SUMF1: variants seen among roughly 807,000 people sequenced by gnomAD.
SUMF1 encodes formylglycine-generating enzyme.
SUMF1 carries 48 observed loss-of-function variants against 47.6 expected under a neutral mutation model. The observed-to-expected ratio is 1.01, with a 90% confidence interval of 0.80 to 1.28. SUMF1 has a LOEUF of 1.28. Among genes scored for constraint, SUMF1 ranks in the 50% most tolerant of loss-of-function variants. The pLI is 0.00. For synonymous variants in SUMF1, 230 were observed against 192.1 expected, an observed-to-expected ratio of 1.20 and a Z score of -1.63; for missense variants, 571 against 485.4, an observed-to-expected ratio of 1.18 and a Z score of -1.66.
chr3:4,343,536 C>G (rs750064007), intron 8 of SUMF1, among the ~76,000 whole-genome samples: 13 of 152,196 alleles, frequency 8.5e-5, no homozygotes, highest in Non-Finnish European at 1.6e-4. Context: ...AGAGAATGCT[C>G]TAGAACTCAG....
intron 4 of SUMF1, 69 bp from the exon 5 acceptor site, chr3:4,418,201 A>G (rs2125036194): frequency 6.2e-7 from 1 of 1,606,552 alleles, no homozygotes; most frequent in Middle Eastern, 1.9e-4. Context: ...TGGCTTCAGC[A>G]AAGCGCCCAT....
chr3:4,281,326 G>A (rs116060735), intron 8 of SUMF1, among the ~76,000 whole-genome samples: 210 of 152,226 alleles, frequency 1.4e-3, no homozygotes, highest in African/African-American at 4.7e-3. Context: ...AAGGGATGGT[G>A]GAGAGGGTTG....
At chr3:4,123,202 G>C (rs1190037659) in intron 8 of SUMF1, among the ~76,000 whole-genome samples, 1 of 152,058 alleles carries the variant, frequency 6.6e-6, no homozygotes. Context: ...GGTCAAGGAA[G>C]CATCTTTGAA....
At chr3:4,319,606 G>A (rs1698778620) in intron 8 of SUMF1, among the ~76,000 whole-genome samples, 1 of 152,208 alleles carries the variant, frequency 6.6e-6, no homozygotes, top group African/African-American at 2.4e-5. Flanking sequence ...CAATTTCCAT[G>A]TGTGTTCCAA....
chr3:4,060,553 A>G (rs901358551), intron 9 of SUMF1, among the ~76,000 whole-genome samples: 1 of 152,226 alleles, frequency 6.6e-6, no homozygotes, highest in African/African-American at 2.4e-5. Context: ...AGTCTTGGGT[A>G]GGACCCCATA....
chr3:4,197,781 C>T (rs573774904), intron 8 of SUMF1, among the ~76,000 whole-genome samples: 3 of 152,202 alleles, frequency 2.0e-5, no homozygotes, highest in Non-Finnish European at 4.4e-5. Flanking sequence ...TTACACTCTT[C>T]AGAAAAACCA....
intron 1 of SUMF1, among the ~76,000 whole-genome samples, chr3:4,460,599 A>AGTGTGT (rs144375913): frequency 0.024 from 3,399 of 143,576 alleles, 86 homozygotes; most frequent in Non-Finnish European, 0.033. Flanking sequence ...TCACACACAC[A>AGTGTGT]GTGTGTGTGT....
Position 4,255,972 on chromosome 3 carries a change from C to T in SUMF1, c.1014+120358G>A, listed in dbSNP as rs1387690243. Among the ~76,000 whole-genome samples the T allele has an allele frequency of 1.7e-4, 24 of 145,132 alleles. 1 individual carries two copies. Among genetic ancestry groups the T allele is most frequent in the East Asian group, 2.0e-4 (1 of 5,076 alleles). On this transcript the variant is annotated intron_variant and NMD_transcript_variant, in intron 8 of 12. Coordinates refer to the SUMF1 transcript ENST00000448413. ...CAGGATTAAGAATGTCACTCAAAGC[C>T]GCTCAACTACATGCAAACTGAACAA...
At chr3:4,249,944 G>A (rs1263024870) in intron 8 of SUMF1, among the ~76,000 whole-genome samples, 1 of 152,176 alleles carries the variant, frequency 6.6e-6, no homozygotes, top group African/African-American at 2.4e-5. Context: ...GCACTTGGGG[G>A]AGGCCGAGGC....
chr3:4,299,210 A>T (rs1464594125), intron 8 of SUMF1, among the ~76,000 whole-genome samples: 1 of 152,112 alleles, frequency 6.6e-6, no homozygotes, highest in Non-Finnish European at 1.5e-5. Flanking sequence ...ATTCCCCCAC[A>T]CCCTATTAAT....
intron 8 of SUMF1, among the ~76,000 whole-genome samples, chr3:4,297,415 G>C (rs1330552495): frequency 6.6e-6 from 1 of 152,056 alleles, no homozygotes; most frequent in Non-Finnish European, 1.5e-5. Context: ...TTTTGGGTTT[G>C]TTTTAGAGAG....
chr3:4,281,954 C>G (rs1398396228), intron 8 of SUMF1, among the ~76,000 whole-genome samples: 2 of 151,994 alleles, frequency 1.3e-5, no homozygotes, highest in East Asian at 3.9e-4. Flanking sequence ...AGTAAAATAG[C>G]AAAGACAAGC....
chr3:4,369,020 G>C (rs1243982098), intron 8 of SUMF1, among the ~76,000 whole-genome samples: 1 of 151,980 alleles, frequency 6.6e-6, no homozygotes, highest in Non-Finnish European at 1.5e-5. Flanking sequence ...TTTGGACTCA[G>C]GGGGAAGATA....
At chr3:4,186,684 G>A (rs1695207633) in intron 8 of SUMF1, among the ~76,000 whole-genome samples, 1 of 151,956 alleles carries the variant, frequency 6.6e-6, no homozygotes, top group South Asian at 2.1e-4. Context: ...CCAAATTTTG[G>A]CTTGCATACT....
chr3:4,230,778 G>T (rs1696282255), intron 8 of SUMF1, among the ~76,000 whole-genome samples: 1 of 151,988 alleles, frequency 6.6e-6, no homozygotes, highest in South Asian at 2.1e-4. Flanking sequence ...AAGCTGTCTG[G>T]GGGCCTCCAG....
At chr3:4,159,796 T>A (rs1694535341) in intron 8 of SUMF1, among the ~76,000 whole-genome samples, 1 of 152,204 alleles carries the variant, frequency 6.6e-6, no homozygotes, top group Non-Finnish European at 1.5e-5. Context: ...TAATTTCTCT[T>A]TTATGTTTGA....
intron 8 of SUMF1, among the ~76,000 whole-genome samples, chr3:4,326,041 T>C (rs914756867): frequency 1.3e-5 from 2 of 152,108 alleles, no homozygotes; most frequent in African/African-American, 4.8e-5. Flanking sequence ...AGGCTGGTCT[T>C]GAACTCCTGA....
chr3:4,292,912 G>C (rs1438149507), intron 8 of SUMF1, among the ~76,000 whole-genome samples: 1 of 152,108 alleles, frequency 6.6e-6, no homozygotes, highest in Non-Finnish European at 1.5e-5. Context: ...TAATTTCCAG[G>C]CTCTGTAAAA....
intron 8 of SUMF1, among the ~76,000 whole-genome samples, chr3:4,230,115 C>A (rs1252122095): frequency 6.6e-6 from 1 of 151,954 alleles, no homozygotes; most frequent in Non-Finnish European, 1.5e-5. Flanking sequence ...ACAAATGTGA[C>A]TTGGTCTGTG....
Sources: gnomAD v4.1 joint callset for allele counts (sites outside exome capture counted in the v4.1 genomes callset) on GRCh38, gnomAD v4.1.1 for gene constraint, MANE v1.5 for transcripts, NCBI Gene and HGNC (gene_info 2026-07-23, HGNC 2026-07-21) for gene names.